The following MAMDC2 variants were observed in gnomAD, a reference collection of about 807,000 sequenced individuals.
MAMDC2 encodes MAM domain containing 2, also known as MAM domain-containing protein 2.
MAMDC2 carries 57 observed loss-of-function variants against 89.8 expected under a neutral mutation model. The ratio of observed to expected loss-of-function variants is 0.63; its 90% CI spans 0.51 to 0.79. MAMDC2 has a LOEUF of 0.79. Among genes scored for constraint, MAMDC2 ranks in the 30% least tolerant of loss-of-function variants. MAMDC2 has a pLI of 0.00. For synonymous variants in MAMDC2, 313 were observed against 293.4 expected (o/e 1.07, Z -0.68); for missense variants, 800 against 820.6 (o/e 0.97, Z 0.31).
intron 2 of MAMDC2, among the ~76,000 whole-genome samples, chr9:70,064,271 A>G (rs917284863): frequency 3.3e-5 from 5 of 152,078 alleles, no homozygotes; most frequent in African/African-American, 1.2e-4. Context: ...CCATCACCCG[A>G]GCAGTGTACA....
chr9:70,193,159 GA>G (rs2032917723), intron 11 of MAMDC2, among the ~76,000 whole-genome samples: 1 of 152,162 alleles, frequency 6.6e-6, no homozygotes, highest in South Asian at 2.1e-4. Flanking sequence ...ACCATCACAG[GA>G]ATAAAGTAAT....
At chr9:70,191,977 T>C (rs1348725094) in intron 11 of MAMDC2, among the ~76,000 whole-genome samples, 1 of 152,164 alleles carries the variant, frequency 6.6e-6, no homozygotes, top group Non-Finnish European at 1.5e-5. Context: ...ATGTTTTGTC[T>C]GCTTTGGTAG....
intron 11 of MAMDC2, among the ~76,000 whole-genome samples, chr9:70,200,702 T>C (rs1392838075): frequency 7.1e-6 from 1 of 141,392 alleles, no homozygotes; most frequent in Non-Finnish European, 1.5e-5. Context: ...TGTTCTTCCA[T>C]TTGTTTGTAT....
chr9:70,126,046 C>A, intron 5 of MAMDC2, 113 bp from the exon 6 acceptor site: 1 of 1,202,158 alleles, frequency 8.3e-7, no homozygotes, highest in Non-Finnish European at 1.2e-6. Context: ...CCACTTCCTC[C>A]TCACCATTCC....
intron 2 of MAMDC2, chr9:70,060,479 C>T (rs1374111208): frequency 2.6e-5 from 4 of 152,190 alleles, no homozygotes; most frequent in African/African-American, 9.7e-5. Flanking sequence ...TTCAGTTATG[C>T]TTTCATCCTG....
At chr9:70,196,366 T>C (rs572720838) in intron 11 of MAMDC2, among the ~76,000 whole-genome samples, 2 of 152,212 alleles carry the variant, frequency 1.3e-5, no homozygotes, top group Non-Finnish European at 2.9e-5. Context: ...CCACAGTACA[T>C]GATAAGTATT....
chr9:70,186,122 G>A (rs1451911757), intron 11 of MAMDC2, among the ~76,000 whole-genome samples: 1 of 151,038 alleles, frequency 6.6e-6, no homozygotes, highest in Admixed American at 6.6e-5. Context: ...TTCATAACTA[G>A]CCTAGTATTT....
chr9:70,151,610 G>C (rs60648106), intron 9 of MAMDC2, among the ~76,000 whole-genome samples: 1 of 152,186 alleles, frequency 6.6e-6, no homozygotes, highest in Non-Finnish European at 1.5e-5. Flanking sequence ...CTGCCTTTTA[G>C]TGCAGGGTAT....
chr9:70,091,210 G>A (rs997600992), intron 2 of MAMDC2, among the ~76,000 whole-genome samples: 2 of 152,188 alleles, frequency 1.3e-5, no homozygotes, highest in Non-Finnish European at 2.9e-5. Flanking sequence ...ACCCCACAGA[G>A]TCCACATGGA....
chr9:70,112,045 T>C (rs1022195853), intron 4 of MAMDC2, among the ~76,000 whole-genome samples: 17 of 152,252 alleles, frequency 1.1e-4, no homozygotes, highest in African/African-American at 3.6e-4. Flanking sequence ...CCACCCTCCA[T>C]TGGTCGAATC....
At chr9:70,119,377 G>A (rs1056851484) in intron 5 of MAMDC2, among the ~76,000 whole-genome samples, 3 of 152,030 alleles carry the variant, frequency 2.0e-5, no homozygotes, top group Admixed American at 6.6e-5. Flanking sequence ...TCCATGACTC[G>A]TGACACTCTT....
intron 2 of MAMDC2, among the ~76,000 whole-genome samples, chr9:70,054,384 A>G (rs1412422732): frequency 6.6e-6 from 1 of 152,154 alleles, no homozygotes; most frequent in Non-Finnish European, 1.5e-5. Flanking sequence ...GAGAAGAATT[A>G]GGAAAGTGGA....
intron 9 of MAMDC2, among the ~76,000 whole-genome samples, chr9:70,155,905 G>A (rs1338589554): frequency 2.0e-5 from 3 of 152,138 alleles, no homozygotes; most frequent in Non-Finnish European, 4.4e-5. Context: ...ATAAGTCATT[G>A]ACTTGGGTTT....
chr9:70,044,149 G>A lies in MAMDC2; in HGVS notation c.-49G>A. On this transcript the variant is annotated 5_prime_UTR_variant, in exon 1 of 14. Transcript: ENST00000377182. ...TTCACTAGGAGCAGCCAGTCCCAGCGGGCTGGCAACTTGCACCCCTTCCTA... is the reference window on the plus strand; with the variant it reads ...TTCACTAGGAGCAGCCAGTCCCAGCAGGCTGGCAACTTGCACCCCTTCCTA... The A allele has an allele frequency of 1.2e-6, 2 of 1,610,666 alleles. No individual in the cohort carries two copies. Among genetic ancestry groups the A allele is most frequent in the Non-Finnish European group, 8.5e-7 (1 of 1,177,676 alleles).
At position 70,045,384 on chromosome 9, in the gene MAMDC2, T is replaced by A. The variant is rs375948995; in HGVS notation, c.148+687T>A. Among the ~76,000 whole-genome samples the A allele has an allele frequency of 1.4e-4, 22 of 152,300 alleles. No individual in the cohort carries two copies. In the South Asian group the frequency reaches 4.6e-3, roughly 32 times the overall value. On this transcript the variant is annotated intron_variant, in intron 2 of 13. Coordinates refer to ENST00000377182, the MANE Select transcript of MAMDC2 (RefSeq NM_153267.5). Reference sequence around the variant, plus strand: ...AAGTGTCATCTTGCCTTTATATAGTTTTTTTTGTTTTTTGTTTTAAAGTGT... The same window carrying A: ...AAGTGTCATCTTGCCTTTATATAGTATTTTTTGTTTTTTGTTTTAAAGTGT...
In MAMDC2 at chr9:70,151,242, C is replaced by T. The variant is rs2031570379; in HGVS notation, c.1404+7423C>T. ...TTCCTGACTGCCGCCCAGTTTATAA[C>T]CACTTTCCTCATACCCAGATTACTC... On this transcript the variant is annotated intron_variant, in intron 9 of 13. Coordinates refer to ENST00000377182, the MANE Select transcript of MAMDC2 (RefSeq NM_153267.5). 2.0e-5 allele frequency among the ~76,000 whole-genome samples: 3 copies of T among 152,346 alleles called. No individual in the cohort carries two copies. The South Asian group carries it at 6.2e-4, about 32-fold the overall frequency.
intron 2 of MAMDC2, among the ~76,000 whole-genome samples, chr9:70,103,765 T>A (rs1366228347): frequency 6.6e-6 from 1 of 152,042 alleles, no homozygotes. Flanking sequence ...GCAGACTGCC[T>A]GAGCTCAGGA....
At chr9:70,144,884 A>G (rs1337051419) in intron 9 of MAMDC2, among the ~76,000 whole-genome samples, 1 of 152,224 alleles carries the variant, frequency 6.6e-6, no homozygotes, top group African/African-American at 2.4e-5. Flanking sequence ...GAAATCTAGT[A>G]CACCACTTTT....
chr9:70,103,051 TA>T (rs1486013644), intron 2 of MAMDC2, among the ~76,000 whole-genome samples: 3 of 152,034 alleles, frequency 2.0e-5, no homozygotes, highest in Non-Finnish European at 2.9e-5. Context: ...AGTGGTGGAG[TA>T]AGGACCTCAG....
Sources: gnomAD v4.1 joint callset for allele counts (sites outside exome capture counted in the v4.1 genomes callset) on GRCh38, gnomAD v4.1.1 for gene constraint, MANE v1.5 for transcripts, NCBI Gene and HGNC (gene_info 2026-07-23, HGNC 2026-07-21) for gene names.